Variants in SPTLC1 observed in about 807,000 individuals in gnomAD.
SPTLC1 encodes the protein serine palmitoyltransferase long chain base subunit 1.
In SPTLC1, 55 loss-of-function variants were observed where a neutral mutation model predicts 68.9. The observed-to-expected ratio is 0.80, with a 90% CI of 0.64 to 1.00. SPTLC1 has a LOEUF of 1.00. SPTLC1 is among the 50% of genes least tolerant of loss of function. The pLI is 0.00. For synonymous variants in SPTLC1, 197 were observed against 201.6 expected (o/e 0.98, Z 0.19); for missense variants, 449 against 573.1 (o/e 0.78, Z 2.21).
At chr9:92,033,204 C>T (rs1324326030) in intron 14 of SPTLC1, among the ~76,000 whole-genome samples, 1 of 152,226 alleles carries the variant, frequency 6.6e-6, no homozygotes, top group African/African-American at 2.4e-5. Context: ...GCATCCTGTC[C>T]ATCATGTACT....
chr9:92,035,783 G>A lies in SPTLC1; in HGVS notation c.1255-900C>T, dbSNP rs138235055. 1.3e-3 allele frequency among the ~76,000 whole-genome samples: 200 copies of A among 152,312 alleles called. 2 individuals are homozygous for A. The highest frequency in any genetic ancestry group is 2.1e-3 in the Admixed American group (32 of 15,304). On this transcript the variant is annotated intron_variant, in intron 13 of 14. Transcript: ENST00000262554. ...GAAGAGGGGTCACGTCGTAGGCTGC[G>A]AGGAAGAGATGGAAAAACCATACTA... is the stretch of plus-strand genomic sequence containing the variant.
At chr9:92,087,117 T>C (rs1587583107) in intron 3 of SPTLC1, among the ~76,000 whole-genome samples, 1 of 152,138 alleles carries the variant, frequency 6.6e-6, no homozygotes, top group South Asian at 2.1e-4. Context: ...CACTTCTCTG[T>C]ATTGGTTATT....
intron 3 of SPTLC1, chr9:92,108,496 T>A: frequency 2.2e-6 from 1 of 459,250 alleles, no homozygotes; most frequent in Non-Finnish European, 4.1e-6. Context: ...CCATTGGAAA[T>A]ATTAACATGT....
chr9:92,053,840 G>T, intron 8 of SPTLC1: 1 of 575,772 alleles, frequency 1.7e-6, no homozygotes, highest in Non-Finnish European at 2.2e-6. Context: ...ACCTAAAGTT[G>T]ATGGTTGCAC....
At chr9:92,052,969 G>A (rs1355315132) in intron 8 of SPTLC1, among the ~76,000 whole-genome samples, 1 of 150,438 alleles carries the variant, frequency 6.6e-6, no homozygotes, top group Non-Finnish European at 1.5e-5. Flanking sequence ...CCACAAAATA[G>A]GAGAAAATAT....
chr9:92,070,794 G>A (rs1211405485), intron 5 of SPTLC1, among the ~76,000 whole-genome samples: 1 of 152,182 alleles, frequency 6.6e-6, no homozygotes, highest in African/African-American at 2.4e-5. Flanking sequence ...TGCTATTTAA[G>A]AGTTTGTTTA....
intron 13 of SPTLC1, 138 bp downstream of exon 13, chr9:92,038,110 C>CG: frequency 1.3e-6 from 1 of 752,580 alleles, no homozygotes; most frequent in South Asian, 1.4e-5. Context: ...ATGTCAAGAG[C>CG]GGGTCACCAG....
chr9:92,083,302 T>C (rs1429416496), intron 3 of SPTLC1, among the ~76,000 whole-genome samples: 2 of 152,232 alleles, frequency 1.3e-5, no homozygotes, highest in Admixed American at 6.5e-5. Context: ...GTTTTAGACA[T>C]GAAGTCCTTG....
chr9:92,032,063 TGAAATAC>T lies in SPTLC1; in HGVS notation c.*395_*401del. 2.1e-6 allele frequency: 1 copy of T among 470,216 alleles called. No individual in the cohort carries two copies. Among genetic ancestry groups the T allele is most frequent in the African/African-American group, 2.0e-5 (1 of 50,756 alleles). 29.1% of individuals were successfully genotyped at this position (470,216 alleles called of 1,614,324 possible). A position where few individuals can be genotyped will look rare whatever the true frequency, so the allele number is the denominator to read the frequency against. ...CTTTAATGTTGCAGTCATTTTTCTA[TGAAATAC>T]TAAGGAGTTAAGGAGTGCTTACTGA... On this transcript the variant is annotated 3_prime_UTR_variant, in exon 15 of 15. Transcript: ENST00000262554.
intron 3 of SPTLC1, among the ~76,000 whole-genome samples, chr9:92,098,854 C>A (rs1333510649): frequency 6.6e-6 from 1 of 152,028 alleles, no homozygotes; most frequent in East Asian, 1.9e-4. Flanking sequence ...TGTGTAGCAG[C>A]TGCATATAAC....
chr9:92,062,080 G>A (rs1453360726), intron 6 of SPTLC1, among the ~76,000 whole-genome samples: 1 of 152,044 alleles, frequency 6.6e-6, no homozygotes, highest in East Asian at 1.9e-4. Context: ...CCAACTATAT[G>A]CTGTCTGTAA....
intron 3 of SPTLC1, among the ~76,000 whole-genome samples, chr9:92,106,250 TTTAA>T (rs1835979155): frequency 6.6e-6 from 1 of 152,076 alleles, no homozygotes; most frequent in Non-Finnish European, 1.5e-5. Flanking sequence ...AAGTTTACTT[TTTAA>T]TTAAAAAAAA....
intron 12 of SPTLC1, among the ~76,000 whole-genome samples, chr9:92,041,034 G>C (rs1296496415): frequency 6.6e-6 from 1 of 152,168 alleles, no homozygotes; most frequent in Non-Finnish European, 1.5e-5. Context: ...TATCCCAGTG[G>C]ATAAACGAGC....
chr9:92,052,693 C>A (rs1206877729), intron 8 of SPTLC1, among the ~76,000 whole-genome samples: 2 of 151,938 alleles, frequency 1.3e-5, no homozygotes, highest in Non-Finnish European at 2.9e-5. Context: ...CCACACCCGG[C>A]TAATTTTTTT....
intron 1 of SPTLC1, among the ~76,000 whole-genome samples, chr9:92,113,157 G>A (rs569264568): frequency 2.0e-5 from 3 of 152,024 alleles, no homozygotes; most frequent in Non-Finnish European, 4.4e-5. Flanking sequence ...ATTAACCATC[G>A]GATTATTTAA....
At chr9:92,048,430 A>G (rs1203809000) in intron 9 of SPTLC1, among the ~76,000 whole-genome samples, 1 of 152,246 alleles carries the variant, frequency 6.6e-6, no homozygotes, top group Non-Finnish European at 1.5e-5. Flanking sequence ...TCATAGATCC[A>G]GCAGAGTTTT....
intron 3 of SPTLC1, among the ~76,000 whole-genome samples, chr9:92,089,535 A>G (rs773400971): frequency 5.9e-5 from 9 of 152,192 alleles, no homozygotes; most frequent in Non-Finnish European, 8.8e-5. Context: ...CCCATCAGAC[A>G]CTGCAGAAAA....
chr9:92,032,152 A>G lies in SPTLC1; in HGVS notation c.*313T>C. ...TGAAGCTCCAGTTTTAAACGACAAC[A>G]AAAGAATATAAAATACTAGTATAAG... On this transcript the variant is annotated 3_prime_UTR_variant, in exon 15 of 15. Coordinates refer to ENST00000262554, the MANE Select transcript of SPTLC1 (RefSeq NM_006415.4). 2.0e-5 allele frequency: 18 copies of G among 907,628 alleles called. No individual in the cohort carries two copies. The highest frequency in any genetic ancestry group is 1.3e-5 in the Non-Finnish European group (8 of 621,572). The allele number at this position is 907,628 out of a possible 1,614,324, so 56.2% of individuals were successfully genotyped here.
intron 8 of SPTLC1, chr9:92,051,296 G>A (rs998101922): frequency 1.8e-5 from 18 of 982,036 alleles, no homozygotes; most frequent in East Asian, 1.1e-4. Context: ...CTCAATGGCC[G>A]AATGCAATGG....
Sources: gnomAD v4.1 joint callset for allele counts (sites outside exome capture counted in the v4.1 genomes callset) on GRCh38, gnomAD v4.1.1 for gene constraint, MANE v1.5 for transcripts, NCBI Gene and HGNC (gene_info 2026-07-23, HGNC 2026-07-21) for gene names.